OVCH1: variants seen among roughly 807,000 people sequenced by gnomAD.
OVCH1 encodes the protein ovochymase 1.
A neutral mutation model predicts 138.4 loss-of-function variants in OVCH1; 139 were observed. That is an observed-to-expected ratio of 1.00 (90% CI 0.87 to 1.16). OVCH1 has a LOEUF of 1.16. Among genes scored for constraint, OVCH1 ranks in the 50% most tolerant of loss-of-function variants. The pLI, the probability that OVCH1 is intolerant of heterozygous loss-of-function variation, is 0.00. For missense variants in OVCH1, 1,367 were observed against 1,357.9 expected (o/e 1.01, Z -0.11); for synonymous variants, 453 against 467.8 (o/e 0.97, Z 0.41).
downstream of OVCH1, among the ~76,000 whole-genome samples, chr12:29,427,052 T>G (rs751459920): frequency 6.6e-6 from 1 of 152,344 alleles, no homozygotes; most frequent in South Asian, 2.1e-4. Flanking sequence ...AAACTTATGA[T>G]GACCTCCTAT....
chr12:29,477,033 T>G (rs1372165971), intron 12 of OVCH1, 69 bp downstream of exon 12: 1 of 1,429,490 alleles, frequency 7.0e-7, no homozygotes, highest in Non-Finnish European at 9.3e-7. Context: ...ACAATCCAGA[T>G]GAATTAAGTT....
At chr12:29,463,254 C>G (rs770375229) in intron 18 of OVCH1, among the ~76,000 whole-genome samples, 3 of 152,052 alleles carry the variant, frequency 2.0e-5, no homozygotes. Flanking sequence ...CCAGGTAGTG[C>G]GGAATGTGAT....
the OVCH1 span, among the ~76,000 whole-genome samples, chr12:29,402,488 AAG>A: frequency 1.2e-4 from 18 of 152,176 alleles, no homozygotes; most frequent in East Asian, 1.2e-3. Context: ...GGTTGAGAGA[AAG>A]AGGGAAAAGA....
chr12:29,471,710 G>T, intron 16 of OVCH1, 92 bp downstream of exon 16: 1 of 1,323,760 alleles, frequency 7.6e-7, no homozygotes, highest in Non-Finnish European at 1.0e-6. Flanking sequence ...TCTAGAATTA[G>T]TCTGGATGAT....
intron 14 of OVCH1, among the ~76,000 whole-genome samples, chr12:29,474,075 A>C (rs1347817132): frequency 6.7e-5 from 1 of 14,894 alleles, no homozygotes; most frequent in Admixed American, 1.1e-3. Flanking sequence ...ACACACACAT[A>C]CACACACACA....
chr12:29,485,242 G>T (rs778162214), intron 8 of OVCH1, among the ~76,000 whole-genome samples: 1 of 149,112 alleles, frequency 6.7e-6, no homozygotes, highest in Non-Finnish European at 1.5e-5. Context: ...ACTGAGGCAG[G>T]AGAATTGCTT....
At position 29,487,768 on chromosome 12, in the gene OVCH1, G is replaced by A. The variant is rs201752027; in HGVS notation, c.817C>T (p.His273Tyr). Residue 273 changes from histidine (H) to tyrosine (Y), a missense_variant, in exon 7 of 28, where the codon CAT (histidine) becomes TAT (tyrosine). Physicochemically the swap from His to Tyr is moderately conservative, Grantham distance 83. Transcript: ENST00000318184. ...AAAATGCCAAGTGATGCCTTCACAT[G>A]GTTGTTTCTTACGGGAACTGAACCT... is the stretch of plus-strand genomic sequence containing the variant. 332 of 1,606,626 alleles carry A rather than the reference G, an allele frequency of 2.1e-4. No individual in the cohort carries two copies. Among genetic ancestry groups the A allele is most frequent in the Non-Finnish European group, 2.4e-4 (284 of 1,175,840 alleles).
intron 22 of OVCH1, among the ~76,000 whole-genome samples, chr12:29,446,832 TAA>T (rs969916152): frequency 6.6e-6 from 1 of 152,020 alleles, no homozygotes; most frequent in African/African-American, 2.4e-5. Flanking sequence ...TTTTTTTTAT[TAA>T]AGATTCTGAC....
exon 8 of OVCH1, chr12:29,486,345 A>G: frequency 6.2e-7 from 1 of 1,610,282 alleles, no homozygotes; most frequent in Non-Finnish European, 8.5e-7. Context: ...GCCCCGATCC[A>G]AACCTGTAAA....
intron 7 of OVCH1, 198 bp downstream of exon 7, chr12:29,487,495 A>G (rs1383162649): frequency 4.2e-6 from 2 of 471,334 alleles, no homozygotes; most frequent in Non-Finnish European, 7.2e-6. Flanking sequence ...AAAATTTTAT[A>G]CAGGGATTTG....
chr12:29,461,969 T>C, exon 19 of OVCH1: 3 of 1,613,822 alleles, frequency 1.9e-6, no homozygotes, highest in Non-Finnish European at 2.5e-6. Flanking sequence ...TTCTAACACA[T>C]GCACTTGAAT....
At chr12:29,410,175 A>C (rs1381956148), downstream of OVCH1, among the ~76,000 whole-genome samples, 2 of 132,706 alleles carry the variant, frequency 1.5e-5, no homozygotes, top group African/African-American at 2.5e-5. Flanking sequence ...ATCTTCCTCC[A>C]TCCCTTTATT....
intron 16 of OVCH1, among the ~76,000 whole-genome samples, chr12:29,466,601 T>C (rs933929258): frequency 1.9e-4 from 29 of 152,176 alleles, no homozygotes; most frequent in African/African-American, 6.0e-4. Flanking sequence ...AGGGGAGTGA[T>C]GACTGGAAGA....
chr12:29,471,728 G>T, intron 16 of OVCH1, 74 bp downstream of exon 16: 1 of 1,419,848 alleles, frequency 7.0e-7, no homozygotes, highest in Non-Finnish European at 9.4e-7. Flanking sequence ...GATCTTAGTA[G>T]TCAGCCTTGT....
downstream of OVCH1, among the ~76,000 whole-genome samples, chr12:29,409,573 G>A (rs1333619804): frequency 3.3e-5 from 5 of 152,112 alleles, no homozygotes; most frequent in African/African-American, 1.2e-4. Flanking sequence ...GTACCCAGTA[G>A]TCATTCAGGA....
chr12:29,455,154 T>G, intron 20 of OVCH1, 95 bp downstream of exon 20: 1 of 1,408,874 alleles, frequency 7.1e-7, no homozygotes, highest in Non-Finnish European at 9.7e-7. Flanking sequence ...ACTCTATGGT[T>G]TTCTCTTTCA....
chr12:29,406,461 C>T, the OVCH1 span, among the ~76,000 whole-genome samples: 1 of 152,086 alleles, frequency 6.6e-6, no homozygotes, highest in Non-Finnish European at 1.5e-5. Flanking sequence ...CCCTCCCCTC[C>T]AACCCCACAA....
rs969877997 is a variant in OVCH1 at position 29,430,071 on chromosome 12, C to T, written c.3328-2423G>A. On this transcript the variant is annotated intron_variant, in intron 27 of 27. Transcript: ENST00000318184. Reference sequence around the variant, plus strand: ...TTGTCACTCCTATTTCATACATGATCTTATTTAGGTTTCACAATCATAAGA... The same window carrying T: ...TTGTCACTCCTATTTCATACATGATTTTATTTAGGTTTCACAATCATAAGA... Among the ~76,000 whole-genome samples the T allele has an allele frequency of 2.0e-5, 3 of 152,284 alleles. No individual in the cohort carries two copies. In the South Asian group the frequency reaches 6.2e-4, roughly 32 times the overall value.
Position 29,496,163 on chromosome 12 carries a change from T to C in OVCH1, c.281+18A>G, listed in dbSNP as rs548662169. On this transcript the variant is annotated intron_variant, in intron 3 of 27. Coordinates refer to ENST00000318184, the Ensembl canonical transcript of OVCH1. ...CCAGGAATCAAGGCCTGACAAGTAA[T>C]GGAAATCCACAACTTACTCACTGAG... The C allele has an allele frequency of 2.5e-5, 39 of 1,583,066 alleles. No individual in the cohort carries two copies. In the East Asian group the frequency reaches 8.6e-4, roughly 35 times the overall value.
Sources: gnomAD v4.1 joint callset for allele counts (sites outside exome capture counted in the v4.1 genomes callset) on GRCh38, gnomAD v4.1.1 for gene constraint, MANE v1.5 for transcripts, NCBI Gene and HGNC (gene_info 2026-07-23, HGNC 2026-07-21) for gene names.